EFR3A: variants seen among roughly 807,000 people sequenced by gnomAD.
EFR3A encodes the protein protein EFR3 homolog A.
EFR3A carries 76 observed loss-of-function variants against 104.4 expected under a neutral mutation model. The observed-to-expected ratio is 0.73, with a 90% CI of 0.60 to 0.88. The LOEUF (loss-of-function observed/expected upper bound fraction) is 0.88, where lower values mean the gene tolerates loss of function less well. Among genes scored for constraint, EFR3A ranks in the 40% least tolerant of loss-of-function variants. EFR3A has a pLI of 0.00. For synonymous variants in EFR3A, 330 were observed against 330.0 expected (o/e 1.00, Z 0.00); for missense variants, 985 against 1,012.5 (o/e 0.97, Z 0.37).
In EFR3A at chr8:131,978,907, C is replaced by A. The variant is rs778690067; in HGVS notation, c.1387C>A (p.Pro463Thr). 22 of 1,612,662 alleles carry A rather than the reference C, an allele frequency of 1.4e-5. No individual in the cohort carries two copies. The Admixed American group carries it at 1.5e-4, about 11-fold the overall frequency. The change falls in exon 13 of 23, where the codon CCT becomes ACT. Residue 463 changes from proline to threonine, a missense_variant. By Grantham distance (38) the Pro-to-Thr change is conservative. Transcript: ENST00000254624. ...TGCACTGCCAGGGTCTTTCCTGGAT[C>A]CTTTGTTATCACCATCTCTCATGGA... Reference protein sequence around the residue: ...VTALPGSFLDPLLSPSLMEDY... With the variant: ...VTALPGSFLDTLLSPSLMEDY...
chr8:131,957,350 C>CTTTTTTTTTTTTT (rs1185442281), intron 7 of EFR3A, among the ~76,000 whole-genome samples: 4 of 125,966 alleles, frequency 3.2e-5, no homozygotes, highest in African/African-American at 1.2e-4. Flanking sequence ...GGGCCAGGGT[C>CTTTTTTTTTTTTT]TTTTTTTTTT....
intron 1 of EFR3A, among the ~76,000 whole-genome samples, chr8:131,926,008 C>T (rs1437998065): frequency 6.6e-6 from 1 of 151,864 alleles, no homozygotes; most frequent in Non-Finnish European, 1.5e-5. Context: ...AGTAATCACA[C>T]TGTCAAGGCT....
intron 1 of EFR3A, among the ~76,000 whole-genome samples, chr8:131,938,717 T>G (rs1586568939): frequency 6.6e-6 from 1 of 152,246 alleles, no homozygotes; most frequent in South Asian, 2.1e-4. Context: ...TTGCTGGTAC[T>G]TGAGTTTAGT....
At chr8:132,001,496 G>T (rs567292641) in intron 19 of EFR3A, among the ~76,000 whole-genome samples, 2 of 152,246 alleles carry the variant, frequency 1.3e-5, no homozygotes, top group African/African-American at 4.8e-5. Context: ...GGGTGGTTTT[G>T]TTGCCTAGGG....
At chr8:131,942,583 T>C (rs1186165967) in intron 2 of EFR3A, among the ~76,000 whole-genome samples, 2 of 152,166 alleles carry the variant, frequency 1.3e-5, no homozygotes, top group Non-Finnish European at 2.9e-5. Flanking sequence ...CTTTACTCAC[T>C]GTTGCTTTCC....
At chr8:131,984,582 G>A (rs1820782168) in intron 15 of EFR3A, among the ~76,000 whole-genome samples, 1 of 152,102 alleles carries the variant, frequency 6.6e-6, no homozygotes, top group Non-Finnish European at 1.5e-5. Flanking sequence ...GGGGGGGATA[G>A]TCATTAAATA....
chr8:131,985,483 T>C (rs2130758245), intron 16 of EFR3A, among the ~76,000 whole-genome samples: 1 of 152,348 alleles, frequency 6.6e-6, no homozygotes, highest in South Asian at 2.1e-4. Context: ...TTCAAATATA[T>C]TTAGTTGTCT....
intron 22 of EFR3A, among the ~76,000 whole-genome samples, chr8:132,004,996 T>C (rs922555516): frequency 6.6e-6 from 1 of 152,232 alleles, no homozygotes; most frequent in Non-Finnish European, 1.5e-5. Context: ...CTACTACTAA[T>C]ACTTACATTC....
chr8:131,961,566 A>C (rs1819331362), intron 8 of EFR3A, among the ~76,000 whole-genome samples: 1 of 152,242 alleles, frequency 6.6e-6, no homozygotes, highest in Non-Finnish European at 1.5e-5. Context: ...CTACGTGAAA[A>C]GACCAAATCT....
At chr8:131,955,949 T>C in intron 7 of EFR3A, 44 bp downstream of exon 7, 1 of 1,604,948 alleles carries the variant, frequency 6.2e-7, no homozygotes, top group Middle Eastern at 1.7e-4. Flanking sequence ...TTTTGCTGTA[T>C]TAATTCTGTG....
At chr8:131,967,124 A>G (rs1006351311) in intron 8 of EFR3A, among the ~76,000 whole-genome samples, 2 of 152,202 alleles carry the variant, frequency 1.3e-5, no homozygotes, top group Admixed American at 1.3e-4. Context: ...TTCCTGGACA[A>G]GAAGTTCAGT....
At chr8:131,911,634 A>G (rs1178003994) in intron 1 of EFR3A, among the ~76,000 whole-genome samples, 2 of 152,240 alleles carry the variant, frequency 1.3e-5, no homozygotes, top group Non-Finnish European at 2.9e-5. Flanking sequence ...AAATTTATGT[A>G]ACGTATATAT....
intron 1 of EFR3A, among the ~76,000 whole-genome samples, chr8:131,939,145 A>C (rs1818045137): frequency 6.6e-6 from 1 of 152,096 alleles, no homozygotes. Flanking sequence ...CATTGTATTG[A>C]GTGCTTGCTT....
chr8:131,927,863 A>G (rs1817378012), intron 1 of EFR3A, among the ~76,000 whole-genome samples: 1 of 152,148 alleles, frequency 6.6e-6, no homozygotes, highest in South Asian at 2.1e-4. Context: ...CCCTTCCCTT[A>G]TGAAACTACC....
chr8:131,904,981 C>T (rs747817582), intron 1 of EFR3A, among the ~76,000 whole-genome samples: 1 of 152,194 alleles, frequency 6.6e-6, no homozygotes, highest in Non-Finnish European at 1.5e-5. Context: ...TAATAAGCGT[C>T]CCTGGGGTTA....
At position 131,972,460 on chromosome 8, in the gene EFR3A, CT is replaced by C. The variant is rs574666777; in HGVS notation, c.1159+1829del. Among the ~76,000 whole-genome samples, 345 of 141,202 alleles carry C rather than the reference CT, an allele frequency of 2.4e-3. 1 individual carries two copies. The highest frequency in any genetic ancestry group is 3.8e-3 in the Middle Eastern group (1 of 264). 92.6% of individuals were successfully genotyped at this position (141,202 alleles called of 152,430 possible). ...TGCTTTTCTTTCTTTTTTAAATTTT[CT>C]TTTTTTTTTTTCCTGTCTGTAGTCA... On this transcript the variant is annotated intron_variant, in intron 10 of 22. Transcript: ENST00000254624.
intron 16 of EFR3A, among the ~76,000 whole-genome samples, 182 bp downstream of exon 16, chr8:131,985,242 A>G (rs1820817275): frequency 1.3e-5 from 2 of 152,274 alleles, no homozygotes; most frequent in South Asian, 4.1e-4. Flanking sequence ...ATTTTCTTAG[A>G]TGCATGTTGT....
intron 8 of EFR3A, among the ~76,000 whole-genome samples, chr8:131,964,168 G>A (rs1586614161): frequency 6.6e-6 from 1 of 151,704 alleles, no homozygotes; most frequent in Admixed American, 6.6e-5. Flanking sequence ...GCACAAGACA[G>A]GGATGCCCTC....
chr8:131,976,149 C>T lies in EFR3A; in HGVS notation c.1274+8C>T. 6.8e-7 allele frequency: 1 copy of T among 1,471,500 alleles called. No individual in the cohort carries two copies. The highest frequency in any genetic ancestry group is 9.4e-7 in the Non-Finnish European group (1 of 1,066,472). 91.2% of individuals were successfully genotyped at this position (1,471,500 alleles called of 1,614,324 possible). On this transcript the variant is annotated splice_region_variant and intron_variant, in intron 11 of 22. Transcript: ENST00000254624. The stretch of plus-strand genomic sequence containing the variant: ...GGATATCAGTCAACTAGGGTATGTT[C>T]TCAGACTGTAAATTTGAACTTAATC...
Sources: gnomAD v4.1 joint callset for allele counts (sites outside exome capture counted in the v4.1 genomes callset) on GRCh38, gnomAD v4.1.1 for gene constraint, MANE v1.5 for transcripts, NCBI Gene and HGNC (gene_info 2026-07-23, HGNC 2026-07-21) for gene names.